The following MYRIP variants were observed in gnomAD, a reference collection of about 807,000 sequenced individuals.
MYRIP encodes the protein rab effector MyRIP.
In MYRIP, 49 loss-of-function variants were observed where a neutral mutation model predicts 98.0. The ratio of observed to expected loss-of-function variants is 0.50; its 90% CI spans 0.40 to 0.63. The LOEUF is 0.63. MYRIP is among the 30% of genes least tolerant of loss of function. MYRIP has a pLI of 0.00. For synonymous variants in MYRIP, 404 were observed against 409.5 expected, an observed-to-expected ratio of 0.99 and a Z score of 0.16; for missense variants, 1,004 against 1,058.2, an observed-to-expected ratio of 0.95 and a Z score of 0.71.
intron 2 of MYRIP, among the ~76,000 whole-genome samples, chr3:40,017,997 G>GC (rs1422484617): frequency 6.6e-6 from 1 of 152,146 alleles, no homozygotes; most frequent in East Asian, 1.9e-4. Context: ...TGCAAAATGA[G>GC]AGAATTGAGA....
At chr3:39,839,104 A>G (rs926249704) in intron 1 of MYRIP, among the ~76,000 whole-genome samples, 1 of 151,772 alleles carries the variant, frequency 6.6e-6, no homozygotes, top group African/African-American at 2.4e-5. Context: ...TAGTCTGGCT[A>G]GTGGTCTATT....
chr3:40,088,202 C>G (rs1948668018), intron 3 of MYRIP, among the ~76,000 whole-genome samples: 2 of 152,072 alleles, frequency 1.3e-5, no homozygotes, highest in South Asian at 4.2e-4. Context: ...GGAGGGGGGA[C>G]AGATGTTGGA....
At chr3:39,962,054 G>A (rs1189827745) in intron 2 of MYRIP, among the ~76,000 whole-genome samples, 2 of 152,074 alleles carry the variant, frequency 1.3e-5, no homozygotes, top group African/African-American at 2.4e-5. Context: ...CATGGTAATC[G>A]ACACTCTTGA....
intron 9 of MYRIP, among the ~76,000 whole-genome samples, chr3:40,184,398 T>C (rs1163888440): frequency 1.3e-5 from 2 of 152,222 alleles, no homozygotes; most frequent in Non-Finnish European, 2.9e-5. Flanking sequence ...GGCACTATTT[T>C]ATTTTTTCCT....
chr3:40,246,280 A>G (rs1013414515), intron 13 of MYRIP, among the ~76,000 whole-genome samples: 1 of 152,068 alleles, frequency 6.6e-6, no homozygotes, highest in Admixed American at 6.6e-5. Context: ...GAGGGTTTCA[A>G]TATTTAAAGG....
intron 9 of MYRIP, among the ~76,000 whole-genome samples, chr3:40,183,726 TA>T (rs2125619807): frequency 6.6e-6 from 1 of 152,314 alleles, no homozygotes; most frequent in East Asian, 1.9e-4. Flanking sequence ...AAGAAAGCAT[TA>T]ACAGTATTCT....
intron 3 of MYRIP, among the ~76,000 whole-genome samples, chr3:40,110,802 T>A (rs891677254): frequency 2.6e-5 from 4 of 152,072 alleles, no homozygotes; most frequent in Admixed American, 6.5e-5. Flanking sequence ...CCCTATTCTA[T>A]TCTCAACTTC....
In MYRIP at chr3:40,059,687, C is replaced by T. The variant is rs141491946; in HGVS notation, c.332+15416C>T. ...TGTTTCTATTAGGTTTTCCATAGTGCGAAATCCTCAAGAGGAATTTTCTTT... is the reference window on the plus strand; with the variant it reads ...TGTTTCTATTAGGTTTTCCATAGTGTGAAATCCTCAAGAGGAATTTTCTTT... On this transcript the variant is annotated intron_variant, in intron 3 of 16. Transcript: ENST00000302541. Among the ~76,000 whole-genome samples the T allele has an allele frequency of 4.4e-3, 667 of 152,210 alleles. 6 individuals are homozygous for T. The highest frequency in any genetic ancestry group is 6.8e-3 in the Middle Eastern group (2 of 294).
At chr3:39,836,109 A>G (rs1941612152) in intron 1 of MYRIP, among the ~76,000 whole-genome samples, 2 of 152,328 alleles carry the variant, frequency 1.3e-5, no homozygotes, top group South Asian at 4.1e-4. Flanking sequence ...TTATATACCC[A>G]GTAATGACAT....
At chr3:40,174,951 G>A (rs1950715405) in intron 8 of MYRIP, among the ~76,000 whole-genome samples, 2 of 152,056 alleles carry the variant, frequency 1.3e-5, no homozygotes, top group Admixed American at 6.6e-5. Context: ...AGACCATCCT[G>A]GCTAACATGG....
At chr3:40,140,332 G>A (rs942971116) in intron 3 of MYRIP, among the ~76,000 whole-genome samples, 1 of 152,192 alleles carries the variant, frequency 6.6e-6, no homozygotes, top group Non-Finnish European at 1.5e-5. Context: ...AGCCATTCTT[G>A]TATATACCAC....
At chr3:39,815,043 A>G (rs1940853151) in intron 1 of MYRIP, among the ~76,000 whole-genome samples, 1 of 152,230 alleles carries the variant, frequency 6.6e-6, no homozygotes, top group African/African-American at 2.4e-5. Context: ...CACTCATTGA[A>G]AGTTTACAAT....
At chr3:40,104,831 A>C (rs1291734920) in intron 3 of MYRIP, among the ~76,000 whole-genome samples, 1 of 152,192 alleles carries the variant, frequency 6.6e-6, no homozygotes, top group Non-Finnish European at 1.5e-5. Context: ...GACAACTTAT[A>C]CTGTGCTTTA....
intron 2 of MYRIP, among the ~76,000 whole-genome samples, chr3:39,948,076 A>G (rs1024461365): frequency 4.6e-5 from 7 of 152,146 alleles, no homozygotes; most frequent in African/African-American, 1.4e-4. Context: ...TAAAATCTCA[A>G]TGTAATGGAT....
intron 2 of MYRIP, among the ~76,000 whole-genome samples, chr3:39,924,227 T>C (rs1944364656): frequency 6.6e-6 from 1 of 152,104 alleles, no homozygotes; most frequent in Non-Finnish European, 1.5e-5. Flanking sequence ...TCATATGCTA[T>C]TTACAAGAAA....
intron 2 of MYRIP, among the ~76,000 whole-genome samples, chr3:39,904,054 T>C (rs992806029): frequency 6.6e-6 from 1 of 152,344 alleles, no homozygotes; most frequent in Middle Eastern, 3.4e-3. Flanking sequence ...GCATGGTATT[T>C]GGTGTCTCTG....
intron 2 of MYRIP, among the ~76,000 whole-genome samples, chr3:39,999,796 A>T (rs1337145753): frequency 1.3e-5 from 2 of 152,162 alleles, no homozygotes; most frequent in Admixed American, 1.3e-4. Flanking sequence ...ACAATGATAG[A>T]CTGGATTAAG....
At chr3:40,175,007 G>A (rs1349187784) in intron 8 of MYRIP, among the ~76,000 whole-genome samples, 3 of 152,114 alleles carry the variant, frequency 2.0e-5, no homozygotes, top group African/African-American at 7.2e-5. Context: ...GCCGGGCATG[G>A]TGGTGGGTGC....
intron 11 of MYRIP, among the ~76,000 whole-genome samples, chr3:40,229,944 T>A (rs973237349): frequency 2.6e-5 from 4 of 152,170 alleles, no homozygotes; most frequent in Non-Finnish European, 2.9e-5. Context: ...CTTGGCATTT[T>A]AAAAAAAGAG....
Sources: allele counts gnomAD v4.1 joint callset (sites outside exome capture counted in the v4.1 genomes callset), GRCh38; gene constraint gnomAD v4.1.1; transcripts MANE v1.5; gene names NCBI Gene and HGNC (gene_info 2026-07-23, HGNC 2026-07-21).